The following GALNT2 variants were observed in gnomAD, a reference collection of about 807,000 sequenced individuals.
GALNT2 encodes UDP-GalNAc:polypeptide N-acetylgalactosaminyltransferase 2.
In GALNT2, 31 loss-of-function variants were observed where a neutral mutation model predicts 81.4. That is an observed-to-expected ratio of 0.38 (90% CI 0.29 to 0.51). The LOEUF is 0.51. GALNT2 is among the 20% of genes least tolerant of loss of function. The pLI is 0.87. For synonymous variants in GALNT2, 303 were observed against 287.4 expected, an observed-to-expected ratio of 1.05 and a Z score of -0.55; for missense variants, 629 against 765.7, an observed-to-expected ratio of 0.82 and a Z score of 2.11.
chr1:230,078,080 G>T (rs1022100933), intron 1 of GALNT2, among the ~76,000 whole-genome samples: 6 of 152,232 alleles, frequency 3.9e-5, no homozygotes, highest in South Asian at 2.1e-4. Context: ...TCCAGTCGGG[G>T]GTGGTGGAGG....
At chr1:230,120,760 G>A (rs895064815) in intron 1 of GALNT2, among the ~76,000 whole-genome samples, 6 of 152,146 alleles carry the variant, frequency 3.9e-5, no homozygotes, top group Admixed American at 1.3e-4. Flanking sequence ...CACACTAAAT[G>A]CCCTGCCGGT....
At chr1:230,171,834 G>C (rs1305793058) in intron 1 of GALNT2, among the ~76,000 whole-genome samples, 3 of 151,972 alleles carry the variant, frequency 2.0e-5, no homozygotes, top group Non-Finnish European at 4.4e-5. Flanking sequence ...ATTGGACATG[G>C]GTAAGACATC....
At chr1:230,195,743 C>G (rs952047319) in intron 2 of GALNT2, among the ~76,000 whole-genome samples, 5 of 152,048 alleles carry the variant, frequency 3.3e-5, no homozygotes, top group African/African-American at 9.7e-5. Context: ...GTGCTGTGCC[C>G]GCACCGCCAC....
intron 1 of GALNT2, among the ~76,000 whole-genome samples, chr1:230,106,543 T>C (rs192599172): frequency 9.2e-5 from 14 of 152,376 alleles, no homozygotes; most frequent in African/African-American, 3.1e-4. Flanking sequence ...CTGTTCATTT[T>C]ATTTTACATC....
At chr1:230,233,989 G>A (rs968519751) in intron 3 of GALNT2, among the ~76,000 whole-genome samples, 5 of 152,200 alleles carry the variant, frequency 3.3e-5, no homozygotes, top group Non-Finnish European at 1.5e-5. Flanking sequence ...CAAGTTATGG[G>A]AAGGCGAGGG....
chr1:230,235,921 C>A, intron 3 of GALNT2, 93 bp from the exon 4 acceptor site: 1 of 1,060,112 alleles, frequency 9.4e-7, no homozygotes. Context: ...ATGTCCATCC[C>A]AGTTGGTCAG....
intron 1 of GALNT2, among the ~76,000 whole-genome samples, chr1:230,167,630 G>C (rs1337604074): frequency 5.3e-5 from 8 of 152,254 alleles, no homozygotes; most frequent in African/African-American, 2.4e-5. Flanking sequence ...GAAGTGGGGA[G>C]GAAAGCAGCC....
intron 1 of GALNT2, among the ~76,000 whole-genome samples, chr1:230,091,211 G>A (rs1016632725): frequency 6.6e-6 from 1 of 151,538 alleles, no homozygotes; most frequent in Non-Finnish European, 1.5e-5. Flanking sequence ...TGGGATTACA[G>A]GTGTGTGTCA....
chr1:230,225,191 T>C (rs1036374378), intron 3 of GALNT2, among the ~76,000 whole-genome samples: 1 of 152,368 alleles, frequency 6.6e-6, no homozygotes, highest in Non-Finnish European at 1.5e-5. Context: ...AAGGGTATGT[T>C]TTAATTAAAT....
chr1:230,219,718 A>G (rs545039258), intron 3 of GALNT2, among the ~76,000 whole-genome samples: 366 of 152,268 alleles, frequency 2.4e-3, no homozygotes, highest in Non-Finnish European at 4.5e-3. Context: ...ATGTGGGGGC[A>G]TTCTTTGCAA....
chr1:230,271,549 A>C lies in GALNT2; in HGVS notation c.1441-2896A>C, dbSNP rs1352110809. On this transcript the variant is annotated intron_variant, in intron 14 of 15. Transcript: ENST00000366672. This position sits in a 1 kb window ranked among gnomAD's most constrained non-coding sequence, Gnocchi z 4.2. ...TGCTTCTACTCCAGATGCCAGTCAC[A>C]AGTCCAAGTTGTCACCTGCTGTCTG... Among the ~76,000 whole-genome samples the C allele has an allele frequency of 6.6e-6, 1 of 152,216 alleles. No homozygotes were observed. The highest frequency in any genetic ancestry group is 1.9e-4 in the East Asian group (1 of 5,198).
chr1:230,244,179 G>A (rs1665294649), intron 7 of GALNT2, among the ~76,000 whole-genome samples: 1 of 151,930 alleles, frequency 6.6e-6, no homozygotes, highest in Non-Finnish European at 1.5e-5. Context: ...TAGCTGATGG[G>A]CTGTGAGTCA....
chr1:230,235,950 G>T, intron 3 of GALNT2, 64 bp from the exon 4 acceptor site: 1 of 1,485,504 alleles, frequency 6.7e-7, no homozygotes, highest in East Asian at 2.3e-5. Context: ...TTCTCTGAAG[G>T]GCTAAACAAG....
At chr1:230,273,935 A>C (rs984508268) in intron 14 of GALNT2, among the ~76,000 whole-genome samples, 1 of 152,236 alleles carries the variant, frequency 6.6e-6, no homozygotes, top group Non-Finnish European at 1.5e-5. Flanking sequence ...TTAGGAGGCT[A>C]TACACGATAT....
intron 1 of GALNT2, among the ~76,000 whole-genome samples, chr1:230,085,305 C>T (rs1446842620): frequency 6.6e-6 from 1 of 152,122 alleles, no homozygotes; most frequent in African/African-American, 2.4e-5. Flanking sequence ...AGATTCATTC[C>T]TTGTTTATGA....
At chr1:230,167,090 C>G (rs1425552944) in intron 1 of GALNT2, among the ~76,000 whole-genome samples, 1 of 110,890 alleles carries the variant, frequency 9.0e-6, no homozygotes, top group Non-Finnish European at 2.3e-5. Flanking sequence ...CATTCTGAGA[C>G]TCTTTTTTTT....
intron 1 of GALNT2, among the ~76,000 whole-genome samples, chr1:230,158,407 C>T (rs1662327596): frequency 1.3e-5 from 2 of 152,218 alleles, no homozygotes; most frequent in Non-Finnish European, 2.9e-5. Context: ...GAAACTAAGG[C>T]ATGAAAACAT....
At chr1:230,141,506 C>A (rs528192037) in intron 1 of GALNT2, among the ~76,000 whole-genome samples, 3 of 152,286 alleles carry the variant, frequency 2.0e-5, no homozygotes, top group African/African-American at 7.2e-5. Flanking sequence ...ATGAATTTGA[C>A]TCCTCTAGGT....
intron 1 of GALNT2, among the ~76,000 whole-genome samples, chr1:230,137,331 C>A (rs972949324): frequency 6.6e-6 from 1 of 152,156 alleles, no homozygotes; most frequent in East Asian, 1.9e-4. Flanking sequence ...TGGATATGGC[C>A]GAAGCCACTT....
Sources: gnomAD v4.1 joint callset for allele counts (sites outside exome capture counted in the v4.1 genomes callset) on GRCh38, gnomAD v4.1.1 for gene constraint, Gnocchi (gnomAD v3.1) non-coding constraint, MANE v1.5 for transcripts, NCBI Gene and HGNC (gene_info 2026-07-23, HGNC 2026-07-21) for gene names.